The following EML3 variants were observed in gnomAD, a reference collection of about 807,000 sequenced individuals.
EML3 encodes echinoderm microtubule-associated protein-like 3.
In EML3, 53 loss-of-function variants were observed where a neutral mutation model predicts 106.7. The observed-to-expected ratio is 0.50, with a 90% confidence interval of 0.40 to 0.62. EML3 has a LOEUF of 0.62. EML3 is among the 20% of genes least tolerant of loss of function. EML3 has a pLI of 0.00. For synonymous variants in EML3, 499 were observed against 489.6 expected, an observed-to-expected ratio of 1.02 and a Z score of -0.25; for missense variants, 994 against 1,209.1, an observed-to-expected ratio of 0.82 and a Z score of 2.64.
chr11:62,609,700 T>C lies in EML3; in HGVS notation c.567-4A>G, dbSNP rs376055290. On this transcript the variant is annotated splice_polypyrimidine_tract_variant and splice_region_variant and intron_variant, in intron 4 of 21. Transcript: ENST00000394773. ...GAGGGGGTCTTTTCCCCCACGGCTG[T>C]TGGGAAGAGAGAAAGCACAGGGATT... 5.0e-5 allele frequency: 80 copies of C among 1,593,204 alleles called. No homozygotes were observed. The African/African-American group carries it at 9.9e-4, about 20-fold the overall frequency.
At position 62,611,575 on chromosome 11, in the gene EML3, G is replaced by C; in HGVS notation, c.44C>G (p.Ala15Gly). ...AAGCCGCTGGCTCAGAGACTGGAGG[G>C]CCTCCCGAGCAGGGCCGTCACCTGG... is the stretch of plus-strand genomic sequence containing the variant. ...AGPGDGPAREALQSLSQRLRV... is the reference protein window; with the variant it reads ...AGPGDGPAREGLQSLSQRLRV... The change falls in exon 2 of 22, where the codon GCC (alanine) becomes GGC (glycine). Residue 15 changes from alanine (A) to glycine (G), a missense_variant. This residue lies in a region of EML3 where 269 missense variants were observed against 265.1 expected (regional missense o/e 1.01). Transcript: ENST00000394773. 6.2e-7 allele frequency: 1 copy of C among 1,613,460 alleles called. No individual in the cohort carries two copies. Among genetic ancestry groups the C allele is most frequent in the South Asian group, 1.1e-5 (1 of 91,062 alleles).
chr11:62,608,238 C>T lies in EML3; in HGVS notation c.1169G>A (p.Trp390Ter). The part of the protein sequence containing the change: ...DDSNEHMLSV[W>*]DCSRGMKLAE... ...CAGCTTCATTCCCCGGCTGCAGTCC[C>T]ACACCGACAGCATGTGCTCATTGGA... Residue 390 changes from tryptophan to a stop codon, truncating the protein, a stop_gained, in exon 10 of 22, where the codon TGG (tryptophan) becomes TAG (stop). Coordinates refer to ENST00000394773, the MANE Select transcript of EML3 (RefSeq NM_153265.3). LOFTEE classifies it high-confidence loss of function. The T allele has an allele frequency of 1.2e-6, 2 of 1,614,020 alleles. No homozygotes were observed. The highest frequency in any genetic ancestry group is 8.5e-7 in the Non-Finnish European group (1 of 1,180,028).
chr11:62,611,337 CT>C lies in EML3; in HGVS notation c.201del (p.Ala68ProfsTer14). ...GTPAPPGDSLAAPPGLPPTCT... is the reference protein window; with the variant it reads ...GTPAPPGDSLXAPPGLPPTCT... ...CACGTGGGTGGCAGTCCTGGGGGGG[CT>C]GCAAGACTGCTGGAGAGATGTTGAA... On this transcript the variant is annotated frameshift_variant, in exon 3 of 22. Coordinates refer to ENST00000394773, the MANE Select transcript of EML3 (RefSeq NM_153265.3). LOFTEE classifies it high-confidence loss of function. 1.9e-6 allele frequency: 3 copies of C among 1,612,934 alleles called. No individual in the cohort carries two copies. The highest frequency in any genetic ancestry group is 2.5e-6 in the Non-Finnish European group (3 of 1,179,820).
rs1472296117 is a variant in EML3, at chr11:62,603,802, G to A, written c.2184C>T (p.Phe728=). The A allele has an allele frequency of 6.2e-7, 1 of 1,614,174 alleles. No individual in the cohort carries two copies. The highest frequency in any genetic ancestry group is 2.2e-5 in the East Asian group (1 of 44,890). ...RFGRCMGHSS[F]ITHLDWSKDG... The stretch of plus-strand genomic sequence containing the variant: ...CCTTGGACCAGTCAAGATGAGTGAT[G>A]AAGCTGGAGTGACCCTGGGAGCAAA... The change falls in exon 19 of 22, where the codon TTC becomes TTT. Residue 728 remains phenylalanine (F), a synonymous_variant. Coordinates refer to ENST00000394773, the MANE Select transcript of EML3 (RefSeq NM_153265.3).
At chr11:62,604,544 AT>A (rs1180416278) in intron 16 of EML3, among the ~76,000 whole-genome samples, 1 of 151,986 alleles carries the variant, frequency 6.6e-6, no homozygotes, top group Non-Finnish European at 1.5e-5. Context: ...TGCCCGTCTA[AT>A]TTTTGTATTT....
Position 62,602,317 on chromosome 11 carries a change from A to C in EML3, c.*158T>G. 6.5e-7 allele frequency: 1 copy of C among 1,547,984 alleles called. No individual in the cohort carries two copies. Among genetic ancestry groups the C allele is most frequent in the Admixed American group, 2.0e-5 (1 of 50,864 alleles). On this transcript the variant is annotated 3_prime_UTR_variant, in exon 22 of 22. Transcript: ENST00000394773. ...GCCAGCGGGTCTAAACAGTGTGTGCAGGGGCGCCGTTCGCGCCCTCCAGGA... is the reference window on the plus strand; with the variant it reads ...GCCAGCGGGTCTAAACAGTGTGTGCCGGGGCGCCGTTCGCGCCCTCCAGGA...
chr11:62,612,063 A>C, intron 1 of EML3: 1 of 396,400 alleles, frequency 2.5e-6, no homozygotes, highest in Non-Finnish European at 4.5e-6. Context: ...AGAGTACAAG[A>C]AAAGAGATCC....
At chr11:62,612,180 G>A (rs1248208440) in intron 1 of EML3, 3 of 516,300 alleles carry the variant, frequency 5.8e-6, no homozygotes, top group African/African-American at 2.0e-5. Context: ...GAAGAGGCCC[G>A]GAGTAACGCA....
At chr11:62,608,459 G>C (rs1942642015) in intron 9 of EML3, 83 bp downstream of exon 9, 1 of 1,485,500 alleles carries the variant, frequency 6.7e-7, no homozygotes, top group East Asian at 2.3e-5. Flanking sequence ...AGGAAGGCCA[G>C]AACTTCCAAG....
At chr11:62,609,717 ACAGGGATTGGGGT>A in intron 4 of EML3, 21 bp from the exon 5 acceptor site, 1 of 1,585,940 alleles carries the variant, frequency 6.3e-7, no homozygotes, top group Non-Finnish European at 8.6e-7. Context: ...GAGAGAAAGC[ACAGGGATTGGGGT>A]CAGGTCCCAA....
chr11:62,610,946 G>C lies in EML3; in HGVS notation c.499C>G (p.Arg167Gly), dbSNP rs1159368425. ...ATTGCCTTCCTGGAGAGCTTCTGCC[G>C]AGGCCGCTCTGAGGGGGATGAGGAG... The part of the protein sequence containing the change: ...SSSSSPSERP[R>G]QKLSRKAISS... Residue 167 changes from arginine to glycine, a missense_variant, in exon 4 of 22, where the codon CGG becomes GGG. Physicochemically the swap from Arg to Gly is moderately radical, Grantham distance 125. Coordinates refer to ENST00000394773, the MANE Select transcript of EML3 (RefSeq NM_153265.3). 1.9e-6 allele frequency: 3 copies of C among 1,613,708 alleles called. No individual in the cohort carries two copies. Among genetic ancestry groups the C allele is most frequent in the East Asian group, 2.2e-5 (1 of 44,888 alleles).
At position 62,611,309 on chromosome 11, in the gene EML3, G is replaced by A. The variant is rs1942808215; in HGVS notation, c.230C>T (p.Thr77Ile). 1 of 1,612,934 alleles carries A rather than the reference G, an allele frequency of 6.2e-7. No individual in the cohort carries two copies. The highest frequency in any genetic ancestry group is 8.5e-7 in the Non-Finnish European group (1 of 1,179,896). The change falls in exon 3 of 22, where the codon ACC (threonine) becomes ATC (isoleucine). Residue 77 changes from threonine (T) to isoleucine (I), a missense_variant. Physicochemically the swap from Thr to Ile is moderately conservative, Grantham distance 89. Around this residue, in one of 3 missense-constraint regions of EML3, gnomAD observed 269 missense variants for 265.1 expected, o/e 1.01. Coordinates refer to ENST00000394773, the MANE Select transcript of EML3 (RefSeq NM_153265.3). The stretch of plus-strand genomic sequence containing the variant: ...GGTGCCTCGGCTCACCAAGGAAGGG[G>A]TGCACGTGGGTGGCAGTCCTGGGGG... ...AAPPGLPPTC[T>I]PSLVSRGTQT...
intron 1 of EML3, 180 bp from the exon 2 acceptor site, chr11:62,611,776 G>T: frequency 1.5e-6 from 1 of 683,586 alleles, no homozygotes; most frequent in Non-Finnish European, 2.4e-6. Flanking sequence ...GCCTCCTTCT[G>T]GCAGGGCAGG....
chr11:62,608,531 G>A lies in EML3; in HGVS notation c.1110+11C>T, dbSNP rs368502925. ...AAGAATGGGGGTCTAGAGGCTTCAG[G>A]GCCAGCTCACCGCAGCTGAAAAGGC... On this transcript the variant is annotated intron_variant, in intron 9 of 21. Coordinates refer to ENST00000394773, the MANE Select transcript of EML3 (RefSeq NM_153265.3). 6.0e-5 allele frequency: 96 copies of A among 1,611,540 alleles called. No homozygotes were observed. Among genetic ancestry groups the A allele is most frequent in the Non-Finnish European group, 3.2e-5 (38 of 1,178,480 alleles).
rs936143639 is a variant in EML3 at position 62,612,568 on chromosome 11, C to T, written c.-111G>A. 2.1e-5 allele frequency: 23 copies of T among 1,105,688 alleles called. No homozygotes were observed. The highest frequency in any genetic ancestry group is 1.3e-4 in the East Asian group (4 of 30,028). 68.5% of individuals were successfully genotyped at this position (1,105,688 alleles called of 1,614,324 possible). Reference sequence around the variant, plus strand: ...CACCCCGGGGCGCGCGCGAAGGGCGCCGTACCACCACCCCGAGGGGGCGCT... The same window carrying T: ...CACCCCGGGGCGCGCGCGAAGGGCGTCGTACCACCACCCCGAGGGGGCGCT... On this transcript the variant is annotated 5_prime_UTR_variant, in exon 1 of 22. Transcript: ENST00000394773.
chr11:62,608,934 C>A, intron 7 of EML3, 28 bp downstream of exon 7: 2 of 1,610,090 alleles, frequency 1.2e-6, no homozygotes, highest in Non-Finnish European at 1.7e-6. Flanking sequence ...CCTCTTCCTG[C>A]CAAGCCCACC....
At chr11:62,606,810 T>C in intron 12 of EML3, 148 bp downstream of exon 12, 1 of 844,252 alleles carries the variant, frequency 1.2e-6, no homozygotes, top group African/African-American at 1.8e-5. Flanking sequence ...TGAACCAAGA[T>C]CGCGCCACTG....
At position 62,604,190 on chromosome 11, in the gene EML3, A is replaced by G; in HGVS notation, c.1994T>C (p.Leu665Ser). The G allele has an allele frequency of 6.2e-7, 1 of 1,613,932 alleles. No homozygotes were observed. Among genetic ancestry groups the G allele is most frequent in the Non-Finnish European group, 8.5e-7 (1 of 1,179,964 alleles). The change falls in exon 17 of 22, where the codon TTG (leucine) becomes TCG (serine). Residue 665 changes from leucine (L) to serine (S), a missense_variant. Physicochemically the swap from Leu to Ser is moderately radical, Grantham distance 145. Around this residue, in one of 3 missense-constraint regions of EML3, gnomAD observed 713 missense variants for 920.5 expected, o/e 0.77. Coordinates refer to ENST00000394773, the MANE Select transcript of EML3 (RefSeq NM_153265.3). Reference protein sequence around the residue: ...VGLNTGRWLVLDTETREIVSD... With the variant: ...VGLNTGRWLVSDTETREIVSD... ...CACGATCTCTCTGGTCTCTGTGTCC[A>G]AAACCAACCACCTGGAAGGGAGGGA... is the stretch of plus-strand genomic sequence containing the variant.
intron 5 of EML3, 66 bp from the exon 6 acceptor site, chr11:62,609,543 C>A: frequency 1.3e-6 from 2 of 1,550,982 alleles, no homozygotes; most frequent in Admixed American, 3.9e-5. Context: ...CCCTACCCAC[C>A]ACACCTACCC....
Sources: allele counts gnomAD v4.1 joint callset (sites outside exome capture counted in the v4.1 genomes callset), GRCh38; gene constraint gnomAD v4.1.1; regional missense constraint gnomAD v4.1.1; transcripts MANE v1.5; gene names NCBI Gene and HGNC (gene_info 2026-07-23, HGNC 2026-07-21).